Variants in DDX27 observed in about 807,000 individuals in gnomAD.
DDX27 encodes probable ATP-dependent RNA helicase DDX27.
Under a neutral mutation model 99.3 loss-of-function variants are expected in DDX27, and 42 were observed. The observed-to-expected ratio is 0.42, with a 90% confidence interval of 0.33 to 0.55. DDX27 has a LOEUF of 0.55. Among genes scored for constraint, DDX27 ranks in the 20% least tolerant of loss-of-function variants. DDX27 has a pLI of 0.07. For missense variants in DDX27, 798 were observed against 976.8 expected (o/e 0.82, Z 2.44); for synonymous variants, 329 against 353.8 (o/e 0.93, Z 0.79).
chr20:49,220,660 A>G (rs897470630), intron 1 of DDX27, among the ~76,000 whole-genome samples: 2 of 152,180 alleles, frequency 1.3e-5, no homozygotes, highest in African/African-American at 2.4e-5. Flanking sequence ...CCTCTCGGAC[A>G]GGCCTTGGCT....
At chr20:49,238,816 C>A in intron 14 of DDX27, 133 bp from the exon 15 acceptor site, 1 of 564,868 alleles carries the variant, frequency 1.8e-6, no homozygotes, top group South Asian at 2.1e-5. Flanking sequence ...GGCCACGTTG[C>A]CCAGGCTGGC....
At chr20:49,241,057 T>C (rs1980461218) in intron 16 of DDX27, among the ~76,000 whole-genome samples, 1 of 152,106 alleles carries the variant, frequency 6.6e-6, no homozygotes, top group Non-Finnish European at 1.5e-5. Context: ...AAATAATCAT[T>C]TGTCATTACA....
rs767960981 is a variant in DDX27, at chr20:49,236,515, G to T, written c.1687+5G>T. The T allele has an allele frequency of 3.2e-6, 5 of 1,573,896 alleles. No homozygotes were observed. The Admixed American group carries it at 9.2e-5, about 29-fold the overall frequency. ...AGGCCAGGATACTTCCCCAAGGTGA[G>T]CAGGCACCCCTGTGGCAGTGCAGAA... On this transcript the variant is annotated splice_donor_5th_base_variant and intron_variant, in intron 14 of 20. Coordinates refer to ENST00000618172, the MANE Select transcript of DDX27 (RefSeq NM_017895.8). The surrounding 1 kb of genome is among the most constrained non-coding windows in gnomAD (Gnocchi z 4.1).
chr20:49,225,292 C>T, intron 6 of DDX27, 93 bp downstream of exon 6: 1 of 1,056,964 alleles, frequency 9.5e-7, no homozygotes, highest in Non-Finnish European at 1.5e-6. Flanking sequence ...AAGCAATCCT[C>T]TTGCCTCAAC....
intron 2 of DDX27, among the ~76,000 whole-genome samples, chr20:49,221,913 A>G (rs1487258958): frequency 6.7e-6 from 1 of 150,064 alleles, no homozygotes; most frequent in Non-Finnish European, 1.5e-5. Flanking sequence ...GTCACTGTGC[A>G]GTGTCCCTGG....
At chr20:49,229,094 G>A (rs1003854996) in intron 8 of DDX27, among the ~76,000 whole-genome samples, 2 of 145,900 alleles carry the variant, frequency 1.4e-5, no homozygotes, top group Admixed American at 7.1e-5. Flanking sequence ...CTGGAGTGCA[G>A]TGGCGCAATC....
chr20:49,224,283 C>T (rs1423462269), intron 4 of DDX27, among the ~76,000 whole-genome samples: 1 of 152,050 alleles, frequency 6.6e-6, no homozygotes, highest in East Asian at 1.9e-4. Flanking sequence ...TGCCAGATGC[C>T]ACTGTGATAC....
At chr20:49,224,366 C>CTT (rs11381256) in intron 4 of DDX27, among the ~76,000 whole-genome samples, 3 of 144,426 alleles carry the variant, frequency 2.1e-5, no homozygotes, top group African/African-American at 5.1e-5. Flanking sequence ...TTCTTTCTTT[C>CTT]TTTTTTTTTT....
chr20:49,244,015 C>A lies in DDX27; in HGVS notation c.*181C>A. The A allele has an allele frequency of 1.5e-6, 1 of 674,428 alleles. No homozygotes were observed. Among genetic ancestry groups the A allele is most frequent in the Non-Finnish European group, 2.5e-6 (1 of 400,364 alleles). The allele number at this position is 674,428 out of a possible 1,614,324, so 41.8% of individuals were successfully genotyped here. ...CTAAGCATGTCTGTCAATCTCCCTT[C>A]TTGCTGATTAGCTTTCATATGACTA... On this transcript the variant is annotated 3_prime_UTR_variant, in exon 21 of 21. Coordinates refer to ENST00000618172, the MANE Select transcript of DDX27 (RefSeq NM_017895.8).
chr20:49,221,049 C>G (rs558264356), intron 1 of DDX27, among the ~76,000 whole-genome samples: 37 of 152,280 alleles, frequency 2.4e-4, no homozygotes, highest in Middle Eastern at 3.4e-3. Context: ...GCAGCCTCCC[C>G]CTCCCGGGTT....
chr20:49,239,535 A>T (rs1980409593), intron 16 of DDX27, among the ~76,000 whole-genome samples, 197 bp downstream of exon 16: 1 of 152,090 alleles, frequency 6.6e-6, no homozygotes, highest in South Asian at 2.1e-4. Context: ...CACACCCTAG[A>T]TCCCTCGCAT....
rs749874176 is a variant in DDX27, at chr20:49,234,925, T to C, written c.1274-10T>C. 3 of 1,585,450 alleles carry C rather than the reference T, an allele frequency of 1.9e-6. No individual in the cohort carries two copies. Among genetic ancestry groups the C allele is most frequent in the Middle Eastern group, 1.7e-4 (1 of 5,928 alleles). On this transcript the variant is annotated splice_polypyrimidine_tract_variant and intron_variant, in intron 11 of 20. Coordinates refer to ENST00000618172, the MANE Select transcript of DDX27 (RefSeq NM_017895.8). ...AAACAGCTGCCAGCTCAGTCCTCTC[T>C]TCCTGCCAGCTTTGTTGACGAGGAC...
chr20:49,240,000 T>C (rs1288737147), intron 16 of DDX27, among the ~76,000 whole-genome samples: 1 of 152,202 alleles, frequency 6.6e-6, no homozygotes, highest in Non-Finnish European at 1.5e-5. Flanking sequence ...TTACCTGAGA[T>C]ATCTAGCTAG....
chr20:49,224,362 C>CTTTTTTTTT lies in DDX27; in HGVS notation c.467-580_467-579insTTTTTTTTT, dbSNP rs10654735. 1.4e-5 allele frequency among the ~76,000 whole-genome samples: 2 copies of CTTTTTTTTT among 140,822 alleles called. 1 individual carries two copies. The highest frequency in any genetic ancestry group is 3.1e-5 in the Non-Finnish European group (2 of 65,514). 92.4% of individuals were successfully genotyped at this position (140,822 alleles called of 152,430 possible). On this transcript the variant is annotated intron_variant, in intron 4 of 20. Coordinates refer to ENST00000618172, the MANE Select transcript of DDX27 (RefSeq NM_017895.8). Reference sequence around the variant, plus strand: ...GTGGGTGCTCAATAAGTATTTCTTTCTTTCTTTTTTTTTTTTTGAGATGGA... The same window carrying CTTTTTTTTT: ...GTGGGTGCTCAATAAGTATTTCTTTCTTTTTTTTTTTTCTTTTTTTTTTTTTGAGATGGA...
In DDX27 at chr20:49,233,553, C is replaced by T. The variant is rs2079677040; in HGVS notation, c.1132-15C>T. 2 of 1,609,028 alleles carry T rather than the reference C, an allele frequency of 1.2e-6. No individual in the cohort carries two copies. The highest frequency in any genetic ancestry group is 1.3e-5 in the African/African-American group (1 of 74,878). On this transcript the variant is annotated splice_polypyrimidine_tract_variant and intron_variant, in intron 10 of 20. Transcript: ENST00000618172. Reference sequence around the variant, plus strand: ...CTTGCAGAGAGCTGAGGAAACCTGGCTTTGTGCTTGGCAGGTGAAAGATCT... The same window carrying T: ...CTTGCAGAGAGCTGAGGAAACCTGGTTTTGTGCTTGGCAGGTGAAAGATCT...
rs991891315 is a variant in DDX27, at chr20:49,235,869, A to G, written c.1428-281A>G. ...CGCCATTCTCCTGCCTCAGCCTCCC[A>G]AGTAGCTGGGACTACAGGCGCCCGC... On this transcript the variant is annotated intron_variant, in intron 12 of 20. Coordinates refer to ENST00000618172, the MANE Select transcript of DDX27 (RefSeq NM_017895.8). 2.5e-5 allele frequency: 5 copies of G among 199,724 alleles called. No homozygotes were observed. The South Asian group carries it at 7.9e-4, about 31-fold the overall frequency. 12.4% of individuals were successfully genotyped at this position (199,724 alleles called of 1,614,324 possible). A position where few individuals can be genotyped will look rare whatever the true frequency, so the allele number is the denominator to read the frequency against.
intron 19 of DDX27, 121 bp from the exon 20 acceptor site, chr20:49,243,508 C>A: frequency 2.4e-6 from 2 of 828,316 alleles, no homozygotes; most frequent in Admixed American, 2.2e-5. Context: ...GAACTTAGGG[C>A]CTGAAAATGA....
intron 9 of DDX27, 56 bp downstream of exon 9, chr20:49,230,405 G>A: frequency 6.4e-7 from 1 of 1,553,522 alleles, no homozygotes; most frequent in African/African-American, 1.4e-5. Flanking sequence ...CCCAGAACCT[G>A]GATGTGGACC....
chr20:49,238,054 C>T (rs1898548121), intron 14 of DDX27: 1 of 152,222 alleles, frequency 6.6e-6, no homozygotes, highest in African/African-American at 2.4e-5. Context: ...GAGTCTTGCT[C>T]TGTTGCCAGG....
Sources: gnomAD v4.1 joint callset for allele counts (sites outside exome capture counted in the v4.1 genomes callset) on GRCh38, gnomAD v4.1.1 for gene constraint, Gnocchi (gnomAD v3.1) non-coding constraint, MANE v1.5 for transcripts, NCBI Gene and HGNC (gene_info 2026-07-23, HGNC 2026-07-21) for gene names.